The following CAMK4 variants were observed in gnomAD, a reference collection of about 807,000 sequenced individuals.
The protein encoded by CAMK4 is calcium/calmodulin-dependent protein kinase type IV.
Under a neutral mutation model 44.9 loss-of-function variants are expected in CAMK4, and 22 were observed. The observed-to-expected ratio is 0.49, with a 90% CI of 0.35 to 0.70. The LOEUF is 0.70. Ranked by LOEUF, CAMK4 falls within the 30% of genes least tolerant of loss-of-function variation. The pLI is 0.01. For missense variants in CAMK4, 498 were observed against 586.8 expected (o/e 0.85, Z 1.56); for synonymous variants, 218 against 215.4 (o/e 1.01, Z -0.11).
intron 2 of CAMK4, among the ~76,000 whole-genome samples, chr5:111,372,325 G>A (rs538493643): frequency 1.3e-5 from 2 of 152,080 alleles, no homozygotes; most frequent in African/African-American, 4.8e-5. Flanking sequence ...AAAGGAGAGC[G>A]CTTATGACCC....
At chr5:111,388,250 T>C (rs1751675128) in intron 4 of CAMK4, among the ~76,000 whole-genome samples, 1 of 152,154 alleles carries the variant, frequency 6.6e-6, no homozygotes, top group South Asian at 2.1e-4. Flanking sequence ...TGGATGCTGT[T>C]CTCACTACAG....
intron 1 of CAMK4, among the ~76,000 whole-genome samples, chr5:111,335,509 A>G (rs987926200): frequency 9.9e-5 from 15 of 151,354 alleles, no homozygotes; most frequent in Non-Finnish European, 1.9e-4. Context: ...AAGAAAGAAG[A>G]CAGGAAGAAA....
At chr5:111,401,190 G>T (rs568056248) in intron 5 of CAMK4, among the ~76,000 whole-genome samples, 2 of 152,224 alleles carry the variant, frequency 1.3e-5, no homozygotes, top group African/African-American at 4.8e-5. Context: ...CCAGGCTGGA[G>T]TGCAGTGGTG....
chr5:111,445,419 TTTTTTG>T (rs988915874), intron 5 of CAMK4, among the ~76,000 whole-genome samples: 45 of 151,670 alleles, frequency 3.0e-4, no homozygotes, highest in Non-Finnish European at 5.0e-4. Context: ...TTTGGTTTGG[TTTTTTG>T]TTTTTGTTTT....
At chr5:111,278,762 C>T (rs547262505) in intron 1 of CAMK4, among the ~76,000 whole-genome samples, 19 of 152,250 alleles carry the variant, frequency 1.2e-4, no homozygotes, top group Admixed American at 5.2e-4. Flanking sequence ...GGGTTTTTGC[C>T]TCCTGCAAAG....
At chr5:111,409,022 T>C (rs1752537326) in intron 5 of CAMK4, among the ~76,000 whole-genome samples, 1 of 152,080 alleles carries the variant, frequency 6.6e-6, no homozygotes, top group Admixed American at 6.5e-5. Context: ...TGGTGTTGAG[T>C]GTCTGTGGCT....
In CAMK4 at chr5:111,262,205, A is replaced by G. The variant is rs1357220561; in HGVS notation, c.161+37561A>G. ...CAAAAAAAAAAAAAAAAGACATTCA[A>G]GAAAATTGCAATAGAGGAGAAGGAT... On this transcript the variant is annotated intron_variant, in intron 1 of 10. Transcript: ENST00000282356. Among the ~76,000 whole-genome samples, 3 of 151,906 alleles carry G rather than the reference A, an allele frequency of 2.0e-5. No homozygotes were observed. In the South Asian group the frequency reaches 6.2e-4, roughly 31 times the overall value.
intron 7 of CAMK4, among the ~76,000 whole-genome samples, chr5:111,465,307 A>G (rs938089427): frequency 2.0e-5 from 3 of 152,022 alleles, no homozygotes; most frequent in African/African-American, 7.2e-5. Context: ...GAGAAACAAG[A>G]ACAAACCCAA....
At chr5:111,284,708 C>T (rs1751172784) in intron 1 of CAMK4, among the ~76,000 whole-genome samples, 1 of 152,132 alleles carries the variant, frequency 6.6e-6, no homozygotes, top group African/African-American at 2.4e-5. Flanking sequence ...TATCCGAGAG[C>T]GTTATTGCTT....
At chr5:111,243,578 G>A (rs1749101387) in intron 1 of CAMK4, among the ~76,000 whole-genome samples, 1 of 152,196 alleles carries the variant, frequency 6.6e-6, no homozygotes, top group South Asian at 2.1e-4. Flanking sequence ...TCATGACTGA[G>A]TTAACCTAAC....
chr5:111,233,364 G>A (rs1580456672), intron 1 of CAMK4, among the ~76,000 whole-genome samples: 3 of 152,138 alleles, frequency 2.0e-5, no homozygotes, highest in Admixed American at 2.0e-4. Flanking sequence ...TACAGTTACA[G>A]TTCTTACCAA....
At chr5:111,278,404 T>C (rs1298443814) in intron 1 of CAMK4, among the ~76,000 whole-genome samples, 1 of 152,176 alleles carries the variant, frequency 6.6e-6, no homozygotes, top group Non-Finnish European at 1.5e-5. Context: ...GCAGCTTAAA[T>C]AGTTCAAAAT....
chr5:111,297,853 C>A (rs184900716), intron 1 of CAMK4, among the ~76,000 whole-genome samples: 2 of 152,172 alleles, frequency 1.3e-5, no homozygotes, highest in African/African-American at 4.8e-5. Context: ...GATTCTGGTG[C>A]CTTTTACCTG....
In CAMK4 at chr5:111,224,483, G is replaced by A. The variant is rs1180137435; in HGVS notation, c.-1G>A. On this transcript the variant is annotated 5_prime_UTR_variant, in exon 1 of 11. Coordinates refer to ENST00000282356, the MANE Select transcript of CAMK4 (RefSeq NM_001744.6). The surrounding 1 kb of genome is among the most constrained non-coding windows in gnomAD (Gnocchi z 5.7). ...GCGGCTTCCGGAGTCCCGCTGCGAA[G>A]ATGCTCAAAGTCACGGTGCCCTCCT... 4.4e-6 allele frequency: 7 copies of A among 1,599,186 alleles called. No individual in the cohort carries two copies. The African/African-American group carries it at 8.2e-5, about 19-fold the overall frequency.
intron 5 of CAMK4, among the ~76,000 whole-genome samples, chr5:111,417,064 GTATT>G (rs1409055186): frequency 6.6e-6 from 1 of 152,020 alleles, no homozygotes; most frequent in African/African-American, 2.4e-5. Flanking sequence ...TTATTTGTAT[GTATT>G]TGTTTATTTT....
rs1755642780 is a variant in CAMK4, at chr5:111,486,690, G to A, written c.*2224G>A. The A allele has an allele frequency of 6.6e-6, 1 of 152,044 alleles. No individual in the cohort carries two copies. The highest frequency in any genetic ancestry group is 1.5e-5 in the Non-Finnish European group (1 of 68,010). The allele number at this position is 152,044 out of a possible 1,614,324, so 9.4% of individuals were successfully genotyped here. A position where few individuals can be genotyped will look rare whatever the true frequency, so the allele number is the denominator to read the frequency against. ...TACATTATTTCAACACTAGAGTAGG[G>A]CGGACTGCATTGTTTGGCCCTGAGA... On this transcript the variant is annotated 3_prime_UTR_variant, in exon 11 of 11. Coordinates refer to ENST00000282356, the MANE Select transcript of CAMK4 (RefSeq NM_001744.6).
chr5:111,346,110 T>C (rs1183479386), intron 2 of CAMK4, among the ~76,000 whole-genome samples: 2 of 151,938 alleles, frequency 1.3e-5, no homozygotes, highest in Non-Finnish European at 2.9e-5. Context: ...CAGTTGCCTC[T>C]AGCGTTTCAT....
chr5:111,445,402 C>CT (rs980007502), intron 5 of CAMK4, among the ~76,000 whole-genome samples: 67 of 150,566 alleles, frequency 4.4e-4, no homozygotes, highest in African/African-American at 1.2e-3. Flanking sequence ...CATATGTAGT[C>CT]TTTTTTTTTG....
At chr5:111,279,405 C>T (rs891599219) in intron 1 of CAMK4, among the ~76,000 whole-genome samples, 1 of 152,118 alleles carries the variant, frequency 6.6e-6, no homozygotes, top group African/African-American at 2.4e-5. Context: ...CAGCTCCAGC[C>T]CTGAGCCATC....
Sources: allele counts gnomAD v4.1 joint callset (sites outside exome capture counted in the v4.1 genomes callset), GRCh38; gene constraint gnomAD v4.1.1; non-coding constraint Gnocchi (gnomAD v3.1); transcripts MANE v1.5; gene names NCBI Gene and HGNC (gene_info 2026-07-23, HGNC 2026-07-21).